Variants in STARD13 observed in about 807,000 individuals in gnomAD.
The protein encoded by STARD13 is StAR related lipid transfer domain containing 13.
STARD13 carries 62 observed loss-of-function variants against 106.4 expected under a neutral mutation model. The ratio of observed to expected loss-of-function variants is 0.58; its 90% CI spans 0.48 to 0.72. The LOEUF (loss-of-function observed/expected upper bound fraction) is 0.72, where lower values mean the gene tolerates loss of function less well. STARD13 is among the 30% of genes least tolerant of loss of function. STARD13 has a pLI of 0.00. For synonymous variants in STARD13, 565 were observed against 553.0 expected (o/e 1.02, Z -0.31); for missense variants, 1,387 against 1,424.0 (o/e 0.97, Z 0.42).
At chr13:33,431,751 G>C in the STARD13 span, among the ~76,000 whole-genome samples, 1 of 152,048 alleles carries the variant, frequency 6.6e-6, no homozygotes, top group African/African-American at 2.4e-5. Context: ...TACCTTACAG[G>C]GTGGTCATAA....
At chr13:33,163,168 T>C (rs943424516) in intron 3 of STARD13, among the ~76,000 whole-genome samples, 5 of 152,166 alleles carry the variant, frequency 3.3e-5, no homozygotes, top group African/African-American at 1.2e-4. Flanking sequence ...GAGAACAGTA[T>C]GGAGGAAACC....
At chr13:33,507,091 A>C in the STARD13 span, among the ~76,000 whole-genome samples, 1 of 152,164 alleles carries the variant, frequency 6.6e-6, no homozygotes, top group African/African-American at 2.4e-5. Context: ...ACAGAATGAG[A>C]CTGTCTCATA....
intron 12 of STARD13, among the ~76,000 whole-genome samples, chr13:33,107,936 C>A (rs1030569199): frequency 3.9e-5 from 6 of 152,216 alleles, no homozygotes; most frequent in Non-Finnish European, 5.9e-5. Context: ...CATGATTTCA[C>A]CCTGTCCTCC....
chr13:33,322,257 C>G (rs1893588961), intron 1 of STARD13, among the ~76,000 whole-genome samples: 2 of 152,118 alleles, frequency 1.3e-5, no homozygotes, highest in Admixed American at 6.5e-5. Context: ...GCTTGGATGT[C>G]CTCAGAACGT....
chr13:33,447,508 A>G, the STARD13 span, among the ~76,000 whole-genome samples: 1 of 152,206 alleles, frequency 6.6e-6, no homozygotes, highest in Admixed American at 6.5e-5. Context: ...CTTGGACATT[A>G]GACTTGAGTT....
intron 1 of STARD13, among the ~76,000 whole-genome samples, chr13:33,240,270 T>C (rs1889404325): frequency 6.6e-6 from 1 of 152,162 alleles, no homozygotes; most frequent in African/African-American, 2.4e-5. Context: ...GGTAACATAC[T>C]GTTTTGATTA....
At chr13:33,425,686 G>C in the STARD13 span, among the ~76,000 whole-genome samples, 1 of 152,274 alleles carries the variant, frequency 6.6e-6, no homozygotes, top group Middle Eastern at 3.4e-3. Context: ...TCTGAGACTA[G>C]ACCCTTACTG....
the STARD13 span, among the ~76,000 whole-genome samples, chr13:33,530,346 C>A: frequency 2.0e-5 from 3 of 152,124 alleles, no homozygotes; most frequent in African/African-American, 7.2e-5. Flanking sequence ...CATAAGTAAC[C>A]ATTATTCTGG....
At chr13:33,417,774 G>A in the STARD13 span, among the ~76,000 whole-genome samples, 1 of 152,116 alleles carries the variant, frequency 6.6e-6, no homozygotes, top group South Asian at 2.1e-4. Flanking sequence ...GTAAGACTGG[G>A]GGGGAAATGG....
chr13:33,192,110 G>A (rs1231208354), intron 1 of STARD13, among the ~76,000 whole-genome samples: 1 of 152,150 alleles, frequency 6.6e-6, no homozygotes, highest in African/African-American at 2.4e-5. Flanking sequence ...GGCACACAGT[G>A]GCATGGTAAA....
At chr13:33,172,877 TCTC>T (rs1474120427) in intron 1 of STARD13, among the ~76,000 whole-genome samples, 2 of 152,192 alleles carry the variant, frequency 1.3e-5, no homozygotes, top group African/African-American at 4.8e-5. Flanking sequence ...TTCCTACAAA[TCTC>T]CTTGAATTTC....
rs1184333354 is a variant in STARD13 at position 33,110,726 on chromosome 13, G to A, written c.2789C>T (p.Thr930Met). ...ATCTGTATTGTCCGTGCTGGAGCAC[G>A]TGACCCATCCTTTGAACTTCTCCTT... ...EAKEKFKGWV[T>M]CSSTDNTDLA... Residue 930 changes from threonine (T) to methionine (M), a missense_variant, in exon 11 of 14, where the codon ACG becomes ATG. By Grantham distance (81) the Thr-to-Met change is moderately conservative. Coordinates refer to ENST00000336934, the MANE Select transcript of STARD13 (RefSeq NM_178006.4). 11 of 1,614,100 alleles carry A rather than the reference G, an allele frequency of 6.8e-6. No individual in the cohort carries two copies. The highest frequency in any genetic ancestry group is 1.6e-4 in the Middle Eastern group (1 of 6,084).
chr13:33,496,011 T>C, the STARD13 span, among the ~76,000 whole-genome samples: 2 of 141,978 alleles, frequency 1.4e-5, no homozygotes, highest in Admixed American at 1.4e-4. Flanking sequence ...ATTATAATTA[T>C]ATATAGTTAA....
At chr13:33,676,718 A>T in the STARD13 span, 1 of 152,232 alleles carries the variant, frequency 6.6e-6, no homozygotes, top group South Asian at 2.1e-4. Context: ...AGTTTAAAGC[A>T]GTACATCAAA....
intron 1 of STARD13, among the ~76,000 whole-genome samples, chr13:33,274,723 C>T (rs1891331937): frequency 6.6e-6 from 1 of 152,108 alleles, no homozygotes; most frequent in Non-Finnish European, 1.5e-5. Context: ...GGTTTGGTGG[C>T]CTCCTGCTGC....
At chr13:33,401,973 G>C in the STARD13 span, among the ~76,000 whole-genome samples, 1 of 152,162 alleles carries the variant, frequency 6.6e-6, no homozygotes, top group African/African-American at 2.4e-5. Flanking sequence ...AATGTGATGA[G>C]TAGTTATTAC....
chr13:33,500,032 G>A, the STARD13 span, among the ~76,000 whole-genome samples: 1 of 151,868 alleles, frequency 6.6e-6, no homozygotes, highest in African/African-American at 2.4e-5. Flanking sequence ...GGGATTACAG[G>A]CCACTGTGCC....
the STARD13 span, among the ~76,000 whole-genome samples, chr13:33,546,112 C>A: frequency 1.3e-5 from 2 of 152,156 alleles, no homozygotes; most frequent in African/African-American, 4.8e-5. Context: ...TTACTTTCAA[C>A]CAAGAATTGG....
chr13:33,602,092 C>CTT, the STARD13 span, among the ~76,000 whole-genome samples: 7,806 of 136,428 alleles, frequency 0.057, 355 homozygotes, highest in East Asian at 0.25. Context: ...TCTAGTAATT[C>CTT]TTTTTTTTTT....
Sources: gnomAD v4.1 joint callset for allele counts (sites outside exome capture counted in the v4.1 genomes callset) on GRCh38, gnomAD v4.1.1 for gene constraint, MANE v1.5 for transcripts, NCBI Gene and HGNC (gene_info 2026-07-23, HGNC 2026-07-21) for gene names.